The following ASCC3 variants were observed in gnomAD, a reference collection of about 807,000 sequenced individuals.
The protein encoded by ASCC3 is activating signal cointegrator 1 complex subunit 3.
In ASCC3, 158 loss-of-function variants were observed where a neutral mutation model predicts 256.3. The observed-to-expected ratio is 0.62, with a 90% CI of 0.54 to 0.70. ASCC3 has a LOEUF of 0.70. Ranked by LOEUF, ASCC3 falls within the 30% of genes least tolerant of loss-of-function variation. ASCC3 has a pLI of 0.00. For synonymous variants in ASCC3, 948 were observed against 883.4 expected, an observed-to-expected ratio of 1.07 and a Z score of -1.30; for missense variants, 2,259 against 2,626.0, an observed-to-expected ratio of 0.86 and a Z score of 3.05.
At chr6:100,749,867 A>C (rs1780857019) in intron 10 of ASCC3, among the ~76,000 whole-genome samples, 1 of 151,602 alleles carries the variant, frequency 6.6e-6, no homozygotes, top group African/African-American at 2.4e-5. Flanking sequence ...TTTTATATAA[A>C]ATTATGTCAA....
chr6:100,744,988 C>CT (rs1034382316), intron 10 of ASCC3, among the ~76,000 whole-genome samples: 57 of 152,164 alleles, frequency 3.7e-4, no homozygotes, highest in Admixed American at 1.5e-3. Context: ...TAACAATTGG[C>CT]TTTTTTCTGA....
intron 37 of ASCC3, among the ~76,000 whole-genome samples, chr6:100,523,535 A>G (rs1774409615): frequency 1.3e-5 from 2 of 152,294 alleles, no homozygotes; most frequent in South Asian, 2.1e-4. Context: ...GGTCTCCTCT[A>G]GAGTTTAGAA....
In ASCC3 at chr6:100,547,356, G is replaced by GA. The variant is rs201239984; in HGVS notation, c.5551-6970dup. On this transcript the variant is annotated intron_variant, in intron 36 of 41. Transcript: ENST00000369162. ...GACAGTTAAAACATGACCCATACAA[G>GA]AAAAAAAATGATCAGCTGAACATCA... Among the ~76,000 whole-genome samples, 400 of 151,214 alleles carry GA rather than the reference G, an allele frequency of 2.6e-3. 3 individuals carry two copies. Among genetic ancestry groups the GA allele is most frequent in the African/African-American group, 9.3e-3 (384 of 41,332 alleles).
Position 100,658,733 on chromosome 6 carries a change from C to A in ASCC3, c.2704-2915G>T, listed in dbSNP as rs577553726. 1.3e-4 allele frequency among the ~76,000 whole-genome samples: 19 copies of A among 151,386 alleles called. No individual in the cohort carries two copies. The South Asian group carries it at 3.7e-3, about 30-fold the overall frequency. On this transcript the variant is annotated intron_variant, in intron 16 of 41. Transcript: ENST00000369162. ...GATCTGTGTTGGAGAGTAATTGTAG[C>A]CAGAATTACAAGGTCGTTCAGATTG...
chr6:100,807,318 G>T (rs753876125), intron 4 of ASCC3, among the ~76,000 whole-genome samples: 17 of 48,400 alleles, frequency 3.5e-4, no homozygotes, highest in Non-Finnish European at 7.0e-4. Context: ...TCAAAAAAAA[G>T]ATATTAATAA....
intron 14 of ASCC3, among the ~76,000 whole-genome samples, chr6:100,673,627 CTTATTCA>C (rs1268904496): frequency 6.6e-6 from 1 of 152,184 alleles, no homozygotes. Flanking sequence ...AAGAGTCTCA[CTTATTCA>C]AAGTGAACCA....
At chr6:100,719,704 T>C (rs1402329543) in intron 11 of ASCC3, among the ~76,000 whole-genome samples, 3 of 151,938 alleles carry the variant, frequency 2.0e-5, no homozygotes, top group Admixed American at 6.6e-5. Flanking sequence ...ACTATACCTA[T>C]TTACCTTAAA....
chr6:100,650,534 T>C lies in ASCC3; in HGVS notation c.3252+4A>G. The C allele has an allele frequency of 6.2e-7, 1 of 1,612,270 alleles. No individual in the cohort carries two copies. The highest frequency in any genetic ancestry group is 8.5e-7 in the Non-Finnish European group (1 of 1,178,748). On this transcript the variant is annotated splice_donor_region_variant and intron_variant, in intron 20 of 41. Coordinates refer to ENST00000369162, the MANE Select transcript of ASCC3 (RefSeq NM_006828.4). Reference sequence around the variant, plus strand: ...AGAAAACTGGAAGGGAATAAGATACTTACCTGTGCAACATATGCAGAATCT... The same window carrying C: ...AGAAAACTGGAAGGGAATAAGATACCTACCTGTGCAACATATGCAGAATCT...
At chr6:100,686,088 C>A (rs1284915273) in intron 13 of ASCC3, among the ~76,000 whole-genome samples, 2 of 152,068 alleles carry the variant, frequency 1.3e-5, no homozygotes, top group Non-Finnish European at 2.9e-5. Flanking sequence ...ACACACTAGC[C>A]CATCACAGCT....
At chr6:100,597,948 T>C (rs1582526975) in intron 34 of ASCC3, among the ~76,000 whole-genome samples, 2 of 133,750 alleles carry the variant, frequency 1.5e-5, no homozygotes, top group Non-Finnish European at 3.1e-5. Context: ...CACTCCAGCC[T>C]GGGCGACAGA....
intron 10 of ASCC3, among the ~76,000 whole-genome samples, chr6:100,728,898 C>T (rs771577405): frequency 5.3e-5 from 8 of 152,082 alleles, no homozygotes; most frequent in Non-Finnish European, 1.2e-4. Flanking sequence ...TTGGTGATAG[C>T]ACGAATACAT....
intron 30 of ASCC3, among the ~76,000 whole-genome samples, chr6:100,608,416 ATATATATTTTATATATATACTT>A (rs1562162275): frequency 6.7e-5 from 5 of 74,858 alleles, no homozygotes; most frequent in African/African-American, 1.9e-4. Context: ...TATATACCTT[ATATATATTTTATATATATACTT>A]TATATATATT....
chr6:100,876,385 A>G (rs1453233765), intron 1 of ASCC3, among the ~76,000 whole-genome samples: 3 of 152,216 alleles, frequency 2.0e-5, no homozygotes, highest in Non-Finnish European at 4.4e-5. Flanking sequence ...GTAGCAATGA[A>G]TGCTCAGCTC....
intron 30 of ASCC3, among the ~76,000 whole-genome samples, chr6:100,609,756 C>G (rs1358599555): frequency 3.3e-5 from 5 of 151,874 alleles, no homozygotes; most frequent in Admixed American, 2.6e-4. Context: ...ACTAAAAATA[C>G]AAAAATTAGC....
At chr6:100,585,575 C>G (rs1204138507) in intron 36 of ASCC3, among the ~76,000 whole-genome samples, 1 of 152,308 alleles carries the variant, frequency 6.6e-6, no homozygotes, top group East Asian at 1.9e-4. Context: ...CTTCTTCTCT[C>G]AAATCATCAA....
chr6:100,542,662 C>T (rs1775517399), intron 36 of ASCC3, among the ~76,000 whole-genome samples: 2 of 150,106 alleles, frequency 1.3e-5, no homozygotes, highest in Admixed American at 1.3e-4. Context: ...AGCCTGGAGA[C>T]AGAGCAAGAC....
intron 13 of ASCC3, among the ~76,000 whole-genome samples, chr6:100,691,904 T>C (rs1019418855): frequency 5.9e-5 from 9 of 151,496 alleles, no homozygotes; most frequent in Admixed American, 4.6e-4. Context: ...CGCACTTCAA[T>C]TTTTATCTGT....
intron 32 of ASCC3, among the ~76,000 whole-genome samples, chr6:100,606,125 T>G (rs1321216877): frequency 6.6e-6 from 1 of 152,032 alleles, no homozygotes; most frequent in Admixed American, 6.6e-5. Flanking sequence ...TTAGGCCTTG[T>G]CCTCCCTGCA....
chr6:100,521,082 G>A (rs368542031), intron 37 of ASCC3, among the ~76,000 whole-genome samples: 57 of 152,248 alleles, frequency 3.7e-4, no homozygotes, highest in Middle Eastern at 3.4e-3. Context: ...TACAGTGATT[G>A]TAACAACATT....
Sources: allele counts gnomAD v4.1 joint callset (sites outside exome capture counted in the v4.1 genomes callset), GRCh38; gene constraint gnomAD v4.1.1; transcripts MANE v1.5; gene names NCBI Gene and HGNC (gene_info 2026-07-23, HGNC 2026-07-21).